UMAD1: variants seen among roughly 807,000 people sequenced by gnomAD.
The protein encoded by UMAD1 is UBAP1-MVB12-associated (UMA)-domain containing protein 1.
In UMAD1, 8 loss-of-function variants were observed where a neutral mutation model predicts 6.1. The ratio of observed to expected loss-of-function variants is 1.30; its 90% CI spans 0.76 to 2.35. The LOEUF is 2.35. Ranked by LOEUF, UMAD1 falls within the 30% of genes most tolerant of loss-of-function variation. The pLI, the probability that UMAD1 is intolerant of heterozygous loss-of-function variation, is 0.00. For synonymous variants in UMAD1, 56 were observed against 31.4 expected, an observed-to-expected ratio of 1.78 and a Z score of -2.61; for missense variants, 130 against 78.4, an observed-to-expected ratio of 1.66 and a Z score of -2.49.
At position 7,830,490 on chromosome 7, in the gene UMAD1, C is replaced by G. The variant is rs1232323219; in HGVS notation, c.156+28747C>G. Among the ~76,000 whole-genome samples, 1 of 151,960 alleles carries G rather than the reference C, an allele frequency of 6.6e-6. No individual in the cohort carries two copies. The highest frequency in any genetic ancestry group is 1.5e-5 in the Non-Finnish European group (1 of 67,986). On this transcript the variant is annotated intron_variant, in intron 3 of 3. Coordinates refer to ENST00000682710, the MANE Select transcript of UMAD1 (RefSeq NM_001302348.2). This position sits in a 1 kb window ranked among gnomAD's most constrained non-coding sequence, Gnocchi z 5.3. Reference sequence around the variant, plus strand: ...TTTGGTTTCTCTCTTTTGTATCTTTCTCTTTCTTTTCCCTTTTTCGTTTCT... The same window carrying G: ...TTTGGTTTCTCTCTTTTGTATCTTTGTCTTTCTTTTCCCTTTTTCGTTTCT...
intron 2 of UMAD1, among the ~76,000 whole-genome samples, chr7:7,790,394 T>C (rs1782546101): frequency 6.6e-6 from 1 of 152,242 alleles, no homozygotes; most frequent in Non-Finnish European, 1.5e-5. Flanking sequence ...TGCCAGCCTA[T>C]GATTTTCACT....
chr7:7,754,793 A>G (rs1419752372), intron 2 of UMAD1, among the ~76,000 whole-genome samples: 6 of 152,234 alleles, frequency 3.9e-5, no homozygotes, highest in Non-Finnish European at 7.3e-5. Context: ...TCCAAAGGAC[A>G]TCACTGCAGT....
chr7:7,677,176 T>C (rs1333879176), intron 2 of UMAD1, among the ~76,000 whole-genome samples: 2 of 152,198 alleles, frequency 1.3e-5, no homozygotes, highest in African/African-American at 4.8e-5. Context: ...GACACAGGCA[T>C]ATAATGTGTA....
intron 2 of UMAD1, among the ~76,000 whole-genome samples, chr7:7,680,672 T>C (rs1779886544): frequency 6.8e-6 from 1 of 148,136 alleles, no homozygotes; most frequent in Non-Finnish European, 1.5e-5. Flanking sequence ...AATCCATAAA[T>C]TTGGAATATC....
intron 3 of UMAD1, among the ~76,000 whole-genome samples, chr7:7,871,383 G>A (rs932957086): frequency 7.9e-5 from 12 of 152,178 alleles, no homozygotes; most frequent in African/African-American, 2.2e-4. Flanking sequence ...GGAATATAGA[G>A]CTTTAATGGT....
intron 2 of UMAD1, chr7:7,735,597 A>G (rs1048535704): frequency 6.6e-5 from 10 of 152,148 alleles, no homozygotes; most frequent in African/African-American, 1.9e-4. Context: ...TTTAGTGGAG[A>G]TGGGGTTTCG....
Position 7,645,782 on chromosome 7 carries a change from T to C in UMAD1, c.-64+4961T>C, listed in dbSNP as rs577780804. ...TATGATATATTGTCTTTTATATATATTCCTGGATTTGATTTGCTGTTGTTT... is the reference window on the plus strand; with the variant it reads ...TATGATATATTGTCTTTTATATATACTCCTGGATTTGATTTGCTGTTGTTT... On this transcript the variant is annotated intron_variant, in intron 1 of 3. Coordinates refer to ENST00000682710, the MANE Select transcript of UMAD1 (RefSeq NM_001302348.2). Among the ~76,000 whole-genome samples the C allele has an allele frequency of 2.6e-5, 4 of 151,922 alleles. 1 individual carries two copies. The highest frequency in any genetic ancestry group is 9.7e-5 in the African/African-American group (4 of 41,340).
chr7:7,655,197 G>C (rs1282973856), intron 1 of UMAD1, among the ~76,000 whole-genome samples: 1 of 152,016 alleles, frequency 6.6e-6, no homozygotes, highest in Non-Finnish European at 1.5e-5. Flanking sequence ...ATGGCAGACA[G>C]AGCCAGCCAT....
intron 2 of UMAD1, among the ~76,000 whole-genome samples, chr7:7,713,140 C>T: frequency 6.6e-6 from 1 of 151,746 alleles, no homozygotes; most frequent in East Asian, 1.9e-4. Context: ...AGATTGAGAC[C>T]AGCCTGACCA....
intron 2 of UMAD1, among the ~76,000 whole-genome samples, chr7:7,782,737 T>G (rs1263623522): frequency 7.4e-6 from 1 of 135,146 alleles, no homozygotes; most frequent in Admixed American, 6.9e-5. Flanking sequence ...CCTCTCTCTT[T>G]TTTTTTTTTT....
At chr7:7,698,979 C>T (rs1780385834) in intron 2 of UMAD1, among the ~76,000 whole-genome samples, 1 of 151,500 alleles carries the variant, frequency 6.6e-6, no homozygotes, top group Admixed American at 6.6e-5. Flanking sequence ...TTCAGCCCCC[C>T]AAGTATCTGG....
chr7:7,780,625 A>G (rs970606057), intron 2 of UMAD1, among the ~76,000 whole-genome samples: 2 of 152,210 alleles, frequency 1.3e-5, no homozygotes, highest in African/African-American at 2.4e-5. Flanking sequence ...CACTCCTTTC[A>G]GTCACTTCAT....
At chr7:7,687,387 T>G (rs2115131859) in intron 2 of UMAD1, 1 of 152,346 alleles carries the variant, frequency 6.6e-6, no homozygotes, top group Admixed American at 6.5e-5. Flanking sequence ...CCTGGGCAGT[T>G]CAGTGAAATG....
At chr7:7,682,614 G>A (rs554523574) in intron 2 of UMAD1, among the ~76,000 whole-genome samples, 105 of 152,148 alleles carry the variant, frequency 6.9e-4, no homozygotes, top group African/African-American at 2.3e-3. Flanking sequence ...AACTAAACAG[G>A]TTTTCAACAT....
intron 2 of UMAD1, among the ~76,000 whole-genome samples, chr7:7,765,138 G>A (rs1487917841): frequency 6.6e-6 from 1 of 151,404 alleles, no homozygotes; most frequent in African/African-American, 2.4e-5. Context: ...TTCTACTTAT[G>A]TCAGTGAGGA....
chr7:7,698,972 A>G (rs1780385267), intron 2 of UMAD1, among the ~76,000 whole-genome samples: 1 of 147,148 alleles, frequency 6.8e-6, no homozygotes, highest in South Asian at 2.1e-4. Flanking sequence ...CTCCCACTTC[A>G]GCCCCCCAAG....
intron 2 of UMAD1, among the ~76,000 whole-genome samples, chr7:7,760,496 C>T (rs1203276158): frequency 1.3e-5 from 2 of 151,306 alleles, no homozygotes; most frequent in South Asian, 2.1e-4. Context: ...CAATAGATAA[C>T]TGGAATACCA....
At chr7:7,752,515 GA>G (rs535203073) in intron 2 of UMAD1, among the ~76,000 whole-genome samples, 123 of 152,006 alleles carry the variant, frequency 8.1e-4, no homozygotes, top group African/African-American at 2.6e-3. Context: ...ACTCATAAAA[GA>G]AAAAAATTTT....
In UMAD1 at chr7:7,861,972, A is replaced by G. The variant is rs117218536; in HGVS notation, c.157-15309A>G. ...GCTCAGACAACAGCCTTAACATGAA[A>G]TAACTGTATTCATTGTTGTTTGTCA... On this transcript the variant is annotated intron_variant, in intron 3 of 3. Coordinates refer to ENST00000682710, the MANE Select transcript of UMAD1 (RefSeq NM_001302348.2). Among the ~76,000 whole-genome samples the G allele has an allele frequency of 1.3e-4, 20 of 152,328 alleles. 1 individual carries two copies. In the East Asian group the frequency reaches 3.9e-3, roughly 29 times the overall value.
Sources: gnomAD v4.1 joint callset for allele counts (sites outside exome capture counted in the v4.1 genomes callset) on GRCh38, gnomAD v4.1.1 for gene constraint, Gnocchi (gnomAD v3.1) non-coding constraint, MANE v1.5 for transcripts, NCBI Gene and HGNC (gene_info 2026-07-23, HGNC 2026-07-21) for gene names.